AKAIN1: variants seen among roughly 807,000 people sequenced by gnomAD.
AKAIN1 encodes the protein A-kinase anchor inhibitor 1, also known as A-kinase anchor protein inhibitor 1.
AKAIN1 carries 3 observed loss-of-function variants against 3.7 expected under a neutral mutation model. The ratio of observed to expected loss-of-function variants is 0.82; its 90% CI spans 0.37 to 2.12. The LOEUF is 2.12. Ranked by LOEUF, AKAIN1 falls within the 30% of genes most tolerant of loss-of-function variation. The probability of loss-of-function intolerance (pLI) is 0.06; values close to 1 mark genes in which losing one functional copy is unlikely to be tolerated. For synonymous variants in AKAIN1, 31 were observed against 30.8 expected (o/e 1.01, Z -0.02); for missense variants, 82 against 82.7 (o/e 0.99, Z 0.03).
chr18:5,179,644 T>C (rs145537847), intron 1 of AKAIN1, among the ~76,000 whole-genome samples: 2 of 152,192 alleles, frequency 1.3e-5, no homozygotes, highest in African/African-American at 2.4e-5. Flanking sequence ...AGTTATTTGA[T>C]AAATCAGGAG....
intron 1 of AKAIN1, among the ~76,000 whole-genome samples, chr18:5,179,484 G>C (rs1382461415): frequency 6.6e-6 from 1 of 151,848 alleles, no homozygotes; most frequent in East Asian, 1.9e-4. Context: ...TGGATACTTA[G>C]GTTGATTCCA....
chr18:5,159,546 TA>T (rs2071127723), intron 1 of AKAIN1: 1 of 152,176 alleles, frequency 6.6e-6, no homozygotes, highest in African/African-American at 2.4e-5. Flanking sequence ...CAAACTATGG[TA>T]AAATAGAAAT....
In AKAIN1 at chr18:5,174,738, C is replaced by CA. The variant is rs113082512; in HGVS notation, c.16+22299dup. 9.2e-3 allele frequency among the ~76,000 whole-genome samples: 1,332 copies of CA among 145,128 alleles called. 14 individuals are homozygous for CA. Among genetic ancestry groups the CA allele is most frequent in the East Asian group, 0.034 (172 of 4,986 alleles). On this transcript the variant is annotated intron_variant, in intron 1 of 1. Transcript: ENST00000434239. ...CCTGAGCAACAGAGGGAGATTCTGTCAAAAAAAAAAATGTAGAAAGCAATT... is the reference window on the plus strand; with the variant it reads ...CCTGAGCAACAGAGGGAGATTCTGTCAAAAAAAAAAAATGTAGAAAGCAATT...
chr18:5,185,925 A>T (rs2135310), intron 1 of AKAIN1, among the ~76,000 whole-genome samples: 4,164 of 152,274 alleles, frequency 0.027, 81 homozygotes, highest in Non-Finnish European at 0.044. Context: ...CATGGAATCA[A>T]CCTAAATGCC....
chr18:5,173,819 C>T (rs1353832108), intron 1 of AKAIN1, among the ~76,000 whole-genome samples: 1 of 151,990 alleles, frequency 6.6e-6, no homozygotes, highest in Non-Finnish European at 1.5e-5. Flanking sequence ...GTCTCTGGGC[C>T]GTCTTTGGCA....
intron 1 of AKAIN1, among the ~76,000 whole-genome samples, chr18:5,171,799 A>G (rs1344266824): frequency 6.6e-6 from 1 of 152,148 alleles, no homozygotes; most frequent in Non-Finnish European, 1.5e-5. Context: ...CAAAAAACTA[A>G]AAACAGAGGT....
chr18:5,161,290 C>A (rs1409247604), intron 1 of AKAIN1, among the ~76,000 whole-genome samples: 2 of 152,028 alleles, frequency 1.3e-5, no homozygotes, highest in Non-Finnish European at 2.9e-5. Flanking sequence ...AGATACTTCA[C>A]ATCATAGTAA....
upstream of AKAIN1, chr18:5,197,272 G>T: frequency 5.1e-6 from 7 of 1,374,168 alleles, no homozygotes; most frequent in Non-Finnish European, 5.6e-6. The surrounding 1 kb of genome is among the most constrained non-coding windows in gnomAD (Gnocchi z 6.9). Flanking sequence ...CCACAGCGGC[G>T]GCGGGAGGAG....
rs76761588 is a variant in AKAIN1, at chr18:5,178,511, T to A, written c.16+18527A>T. Among the ~76,000 whole-genome samples the A allele has an allele frequency of 1.4e-3, 208 of 152,272 alleles. 2 individuals carry two copies. In the South Asian group the frequency reaches 0.025, roughly 19 times the overall value. ...AAGGCCCCTATATGAGCAGCAGAGT[T>A]AGAATCTTCTCTCAGTTTATACTTA... On this transcript the variant is annotated intron_variant, in intron 1 of 1. Coordinates refer to ENST00000434239, the MANE Select transcript of AKAIN1 (RefSeq NM_001145194.2).
chr18:5,166,432 C>T (rs1003208574), intron 1 of AKAIN1, among the ~76,000 whole-genome samples: 1 of 151,942 alleles, frequency 6.6e-6, no homozygotes, highest in African/African-American at 2.4e-5. Context: ...CTTTTTATCC[C>T]TCTCCCATAT....
chr18:5,158,152 G>GT (rs879569821), intron 1 of AKAIN1, among the ~76,000 whole-genome samples: 4 of 152,186 alleles, frequency 2.6e-5, no homozygotes, highest in Middle Eastern at 3.2e-3. Flanking sequence ...ACATTGTCCC[G>GT]TGTGCCCAGT....
chr18:5,145,781 G>T (rs1394664059), intron 1 of AKAIN1, 26 bp from the exon 2 acceptor site: 3 of 1,528,346 alleles, frequency 2.0e-6, no homozygotes, highest in Admixed American at 4.0e-5. Flanking sequence ...AAAAGGAGGG[G>T]AAAAGGAGAG....
At chr18:5,194,910 A>G (rs1258758192) in intron 1 of AKAIN1, among the ~76,000 whole-genome samples, 1 of 152,224 alleles carries the variant, frequency 6.6e-6, no homozygotes, top group Non-Finnish European at 1.5e-5. Context: ...CCAGATTATT[A>G]TAGAGATTTA....
At chr18:5,159,951 T>G (rs547040674) in intron 1 of AKAIN1, among the ~76,000 whole-genome samples, 1 of 152,372 alleles carries the variant, frequency 6.6e-6, no homozygotes, top group East Asian at 1.9e-4. Context: ...TGATCATTTT[T>G]ACTTCTATAT....
intron 1 of AKAIN1, among the ~76,000 whole-genome samples, chr18:5,176,893 C>A (rs1293515138): frequency 6.6e-6 from 1 of 152,064 alleles, no homozygotes; most frequent in African/African-American, 2.4e-5. Context: ...CCTTAAAATT[C>A]TCCCTGCACC....
chr18:5,157,804 C>T (rs1005458691), intron 1 of AKAIN1, among the ~76,000 whole-genome samples: 3 of 152,118 alleles, frequency 2.0e-5, no homozygotes, highest in African/African-American at 7.2e-5. Context: ...CCCACCTCAT[C>T]CTCCTGAGTA....
intron 1 of AKAIN1, among the ~76,000 whole-genome samples, chr18:5,170,415 T>C (rs73943132): frequency 0.043 from 6,527 of 152,192 alleles, 389 homozygotes; most frequent in African/African-American, 0.13. Context: ...AGTTCTTTCA[T>C]TGGATAACTG....
In AKAIN1 at chr18:5,143,314, T is replaced by A. The variant is rs1237088499; in HGVS notation, c.*2248A>T. On this transcript the variant is annotated 3_prime_UTR_variant, in exon 2 of 2. Coordinates refer to ENST00000434239, the MANE Select transcript of AKAIN1 (RefSeq NM_001145194.2). ...TTTTGCCAATATGGCACCTACCTAT[T>A]GAGGACAGGCATTGCTGAACCTCCT... is the stretch of plus-strand genomic sequence containing the variant. Among the ~76,000 whole-genome samples, 1 of 152,244 alleles carries A rather than the reference T, an allele frequency of 6.6e-6. No individual in the cohort carries two copies. Among genetic ancestry groups the A allele is most frequent in the African/African-American group, 2.4e-5 (1 of 41,466 alleles).
intron 1 of AKAIN1, among the ~76,000 whole-genome samples, chr18:5,158,960 A>G (rs1426944633): frequency 6.6e-6 from 1 of 152,198 alleles, no homozygotes; most frequent in East Asian, 1.9e-4. Flanking sequence ...ACACTGCTTC[A>G]CCTACAAATA....
Sources: gnomAD v4.1 joint callset for allele counts (sites outside exome capture counted in the v4.1 genomes callset) on GRCh38, gnomAD v4.1.1 for gene constraint, Gnocchi (gnomAD v3.1) non-coding constraint, MANE v1.5 for transcripts, NCBI Gene and HGNC (gene_info 2026-07-23, HGNC 2026-07-21) for gene names.